DPY19L1: variants seen among roughly 807,000 people sequenced by gnomAD.
DPY19L1 encodes protein C-mannosyl-transferase DPY19L1.
In DPY19L1, 35 loss-of-function variants were observed where a neutral mutation model predicts 96.9. That is an observed-to-expected ratio of 0.36 (90% CI 0.28 to 0.48). The LOEUF (loss-of-function observed/expected upper bound fraction) is 0.48, where lower values mean the gene tolerates loss of function less well. DPY19L1 is among the 20% of genes least tolerant of loss of function. The pLI is 0.99. For missense variants in DPY19L1, 521 were observed against 777.9 expected (o/e 0.67, Z 3.93); for synonymous variants, 205 against 252.6 (o/e 0.81, Z 1.79).
chr7:34,929,406 A>G lies in DPY19L1; in HGVS notation c.*2167T>C, dbSNP rs1783703451. 1.3e-5 allele frequency: 2 copies of G among 152,190 alleles called. No homozygotes were observed. The highest frequency in any genetic ancestry group is 4.8e-5 in the African/African-American group (2 of 41,450). 9.4% of individuals were successfully genotyped at this position (152,190 alleles called of 1,614,324 possible). A position where few individuals can be genotyped will look rare whatever the true frequency, so the allele number is the denominator to read the frequency against. Reference sequence around the variant, plus strand: ...GGTTACATTCATAAACACTGCTACAAAAGGATCCTTCTGGAAAAAGCTAAT... The same window carrying G: ...GGTTACATTCATAAACACTGCTACAGAAGGATCCTTCTGGAAAAAGCTAAT... On this transcript the variant is annotated 3_prime_UTR_variant, in exon 22 of 22. Coordinates refer to ENST00000638088, the MANE Select transcript of DPY19L1 (RefSeq NM_001366673.1).
At chr7:34,981,520 T>C (rs925597926) in intron 7 of DPY19L1, among the ~76,000 whole-genome samples, 1 of 152,216 alleles carries the variant, frequency 6.6e-6, no homozygotes, top group Non-Finnish European at 1.5e-5. Flanking sequence ...ATTTTTATAA[T>C]AGAGACATGA....
At chr7:35,010,621 T>C (rs1584254001) in intron 5 of DPY19L1, 60 bp from the exon 6 acceptor site, 1 of 1,008,766 alleles carries the variant, frequency 9.9e-7, no homozygotes, top group Non-Finnish European at 1.5e-6. Context: ...CTTACGTGTC[T>C]AGCAATTTAT....
chr7:34,977,992 GC>G (rs1784864614), intron 7 of DPY19L1, among the ~76,000 whole-genome samples: 1 of 151,368 alleles, frequency 6.6e-6, no homozygotes, highest in Non-Finnish European at 1.5e-5. Flanking sequence ...ATATTAATAG[GC>G]TTTTATTTTC....
chr7:35,028,805 A>AG (rs1307276666), intron 1 of DPY19L1, among the ~76,000 whole-genome samples: 1 of 152,170 alleles, frequency 6.6e-6, no homozygotes, highest in Non-Finnish European at 1.5e-5. Context: ...TTTCTGGAAA[A>AG]GGGGGGGACA....
intron 19 of DPY19L1, 134 bp from the exon 20 acceptor site, chr7:34,939,509 A>G: frequency 1.6e-6 from 1 of 627,662 alleles, no homozygotes; most frequent in South Asian, 2.4e-5. Flanking sequence ...ATTCAATGGC[A>G]GAACTAGCAT....
chr7:34,946,772 G>A (rs1053468520), intron 15 of DPY19L1, among the ~76,000 whole-genome samples: 10 of 152,196 alleles, frequency 6.6e-5, no homozygotes, highest in Admixed American at 5.9e-4. Context: ...CATGATGCGA[G>A]GCTCCTAACA....
At chr7:34,982,863 C>T (rs183278269) in intron 7 of DPY19L1, among the ~76,000 whole-genome samples, 1 of 152,144 alleles carries the variant, frequency 6.6e-6, no homozygotes, top group Non-Finnish European at 1.5e-5. Context: ...CAATCTCACA[C>T]AGCATTTGGT....
chr7:34,951,728 TA>T (rs374015005), intron 13 of DPY19L1, among the ~76,000 whole-genome samples: 1 of 151,264 alleles, frequency 6.6e-6, no homozygotes, highest in African/African-American at 2.4e-5. Flanking sequence ...CAAAGAGGAC[TA>T]AAAAAAGATA....
At chr7:34,945,238 G>GTT (rs60660460) in intron 16 of DPY19L1, among the ~76,000 whole-genome samples, 2 of 148,938 alleles carry the variant, frequency 1.3e-5, no homozygotes, top group Admixed American at 6.7e-5. Flanking sequence ...TTAATTTTGG[G>GTT]TTTTTTTTTT....
intron 10 of DPY19L1, among the ~76,000 whole-genome samples, chr7:34,962,393 G>A (rs1042728604): frequency 6.6e-6 from 1 of 152,136 alleles, no homozygotes; most frequent in Non-Finnish European, 1.5e-5. Context: ...CTATACAAAA[G>A]GCAAAACTAT....
At chr7:35,012,126 C>G (rs1156891229) in intron 4 of DPY19L1, among the ~76,000 whole-genome samples, 1 of 152,198 alleles carries the variant, frequency 6.6e-6, no homozygotes, top group African/African-American at 2.4e-5. Context: ...TAAATTCACT[C>G]AAGGTGACAT....
intron 1 of DPY19L1, among the ~76,000 whole-genome samples, chr7:35,026,097 A>G (rs551941099): frequency 1.3e-5 from 2 of 152,194 alleles, no homozygotes; most frequent in African/African-American, 2.4e-5. Flanking sequence ...TTATATATTC[A>G]TAAGTGCTTC....
At chr7:35,021,995 A>C (rs1786006012) in intron 1 of DPY19L1, among the ~76,000 whole-genome samples, 1 of 152,222 alleles carries the variant, frequency 6.6e-6, no homozygotes, top group South Asian at 2.1e-4. Flanking sequence ...CCAGTAAAGC[A>C]AATACTGAGT....
intron 11 of DPY19L1, 139 bp from the exon 12 acceptor site, chr7:34,955,506 A>G: frequency 9.2e-7 from 1 of 1,089,170 alleles, no homozygotes; most frequent in African/African-American, 1.6e-5. Flanking sequence ...TACCATCCAC[A>G]TGCTCATTTC....
intron 8 of DPY19L1, among the ~76,000 whole-genome samples, chr7:34,969,938 A>G (rs1045267678): frequency 1.3e-5 from 2 of 152,246 alleles, no homozygotes; most frequent in Admixed American, 1.3e-4. Context: ...ATAATGCAGA[A>G]TAAGAGGTAA....
intron 7 of DPY19L1, among the ~76,000 whole-genome samples, chr7:34,987,296 T>C (rs1785071000): frequency 6.6e-6 from 1 of 152,090 alleles, no homozygotes; most frequent in African/African-American, 2.4e-5. Context: ...TTATAGAATG[T>C]ATAACCTCAA....
At chr7:34,938,188 A>G in intron 20 of DPY19L1, 69 bp from the exon 21 acceptor site, 5 of 1,504,520 alleles carry the variant, frequency 3.3e-6, no homozygotes, top group East Asian at 2.3e-5. Context: ...TTTGGAAGAA[A>G]GCACTGAATT....
intron 18 of DPY19L1, 38 bp downstream of exon 18, chr7:34,941,727 A>T: frequency 1.9e-6 from 3 of 1,592,584 alleles, no homozygotes; most frequent in Non-Finnish European, 2.6e-6. Context: ...TAAAGGCTAA[A>T]ATTATCATAG....
Position 34,963,309 on chromosome 7 carries a change from A to G in DPY19L1, c.1092+3585T>C, listed in dbSNP as rs866541681. ...GAGATATCACCTTATACCTATTAGG[A>G]TGGCTACCATCCAAGAGCAGAAAAT... On this transcript the variant is annotated intron_variant, in intron 10 of 21. Coordinates refer to ENST00000638088, the MANE Select transcript of DPY19L1 (RefSeq NM_001366673.1). Among the ~76,000 whole-genome samples the G allele has an allele frequency of 2.6e-5, 4 of 152,292 alleles. No homozygotes were observed. The Middle Eastern group carries it at 0.01, about 389-fold the overall frequency.
Sources: gnomAD v4.1 joint callset for allele counts (sites outside exome capture counted in the v4.1 genomes callset) on GRCh38, gnomAD v4.1.1 for gene constraint, MANE v1.5 for transcripts, NCBI Gene and HGNC (gene_info 2026-07-23, HGNC 2026-07-21) for gene names.